Variants in CEP350 observed in about 807,000 individuals in gnomAD.
The protein encoded by CEP350 is centrosomal protein 350.
Under a neutral mutation model 331.8 loss-of-function variants are expected in CEP350, and 126 were observed. That is an observed-to-expected ratio of 0.38 (90% CI 0.33 to 0.44). The LOEUF (loss-of-function observed/expected upper bound fraction) is 0.44. Ranked by LOEUF, CEP350 falls within the 20% of genes least tolerant of loss-of-function variation. CEP350 has a pLI of 1.00. For synonymous variants in CEP350, 1,200 were observed against 1,259.5 expected (o/e 0.95, Z 1.00); for missense variants, 3,406 against 3,634.6 (o/e 0.94, Z 1.62).
At chr1:180,063,778 A>C (rs1464127839) in intron 26 of CEP350, among the ~76,000 whole-genome samples, 3 of 151,044 alleles carry the variant, frequency 2.0e-5, no homozygotes, top group Non-Finnish European at 4.4e-5. Context: ...ACACCACTGC[A>C]CTCCAGCCTA....
intron 6 of CEP350, among the ~76,000 whole-genome samples, chr1:180,001,002 T>C (rs1454314555): frequency 6.6e-6 from 1 of 152,190 alleles, no homozygotes; most frequent in East Asian, 1.9e-4. Flanking sequence ...GAATAGATTA[T>C]TTACTATTAG....
In CEP350 at chr1:180,112,802, C is replaced by T. The variant is rs1264905244; in HGVS notation, c.*1641C>T. On this transcript the variant is annotated 3_prime_UTR_variant, in exon 38 of 38. Coordinates refer to ENST00000367607, the MANE Select transcript of CEP350 (RefSeq NM_014810.5). The stretch of plus-strand genomic sequence containing the variant: ...CATCTTCCCTCCAAACTTGCCTTTG[C>T]ATCTTAAATATTTCACTATGCACAC... 1 of 152,632 alleles carries T rather than the reference C, an allele frequency of 6.6e-6. No homozygotes were observed. The highest frequency in any genetic ancestry group is 6.5e-5 in the Admixed American group (1 of 15,274). 9.5% of individuals were successfully genotyped at this position (152,632 alleles called of 1,614,324 possible).
At chr1:180,091,158 C>T (rs1275097226) in intron 33 of CEP350, among the ~76,000 whole-genome samples, 5 of 151,562 alleles carry the variant, frequency 3.3e-5, no homozygotes, top group African/African-American at 7.3e-5. Flanking sequence ...GGATCACAGG[C>T]ACATGCCACC....
intron 8 of CEP350, 25 bp downstream of exon 8, chr1:180,006,592 C>CT (rs761839774): frequency 6.0e-4 from 661 of 1,101,740 alleles, no homozygotes; most frequent in Non-Finnish European, 7.5e-4. Context: ...CATGTCCATC[C>CT]TTTTTTTTTG....
At chr1:180,034,154 T>C in intron 16 of CEP350, 72 bp downstream of exon 16, 2 of 1,457,438 alleles carry the variant, frequency 1.4e-6, no homozygotes, top group Non-Finnish European at 9.3e-7. Flanking sequence ...TTCCTTTTCT[T>C]TGTTTGAGTT....
intron 16 of CEP350, among the ~76,000 whole-genome samples, chr1:180,035,206 A>C (rs1215507177): frequency 6.6e-6 from 1 of 152,204 alleles, no homozygotes; most frequent in Non-Finnish European, 1.5e-5. Context: ...AGGAAACTGC[A>C]AAAGAAAAGT....
At chr1:179,991,925 G>C (rs1653127845) in intron 4 of CEP350, 137 bp from the exon 5 acceptor site, 2 of 721,910 alleles carry the variant, frequency 2.8e-6, no homozygotes, top group Non-Finnish European at 2.0e-6. Flanking sequence ...TATCCAACTA[G>C]AGATACTAGA....
At position 180,114,047 on chromosome 1, in the gene CEP350, G is replaced by A. The variant is rs1661571030; in HGVS notation, c.*2886G>A. ...AGCTCAAACGTAGTTAATAAGGAAG[G>A]TAATTTGTTTTTCTTTTACCTAAAA... is the stretch of plus-strand genomic sequence containing the variant. On this transcript the variant is annotated 3_prime_UTR_variant, in exon 38 of 38. Transcript: ENST00000367607. 6.6e-6 allele frequency: 1 copy of A among 152,536 alleles called. No homozygotes were observed. The highest frequency in any genetic ancestry group is 1.5e-5 in the Non-Finnish European group (1 of 68,020). The allele number at this position is 152,536 out of a possible 1,614,324, so 9.4% of individuals were successfully genotyped here.
chr1:180,056,392 T>G (rs2148983016), intron 25 of CEP350, among the ~76,000 whole-genome samples: 1 of 152,082 alleles, frequency 6.6e-6, no homozygotes, highest in African/African-American at 2.4e-5. Context: ...TAGGATTTGC[T>G]GAGCTTCTTG....
At chr1:180,106,856 G>A (rs1192893189) in intron 37 of CEP350, among the ~76,000 whole-genome samples, 3 of 151,658 alleles carry the variant, frequency 2.0e-5, no homozygotes, top group African/African-American at 7.3e-5. Context: ...CAGGAGCTGA[G>A]GAAAACCCCA....
At chr1:180,061,982 A>T (rs924489911) in intron 25 of CEP350, among the ~76,000 whole-genome samples, 8 of 152,264 alleles carry the variant, frequency 5.3e-5, no homozygotes, top group South Asian at 2.1e-4. Flanking sequence ...GGGATATGAA[A>T]TTATCAATCT....
intron 1 of CEP350, among the ~76,000 whole-genome samples, chr1:179,976,458 A>C (rs2148623127): frequency 6.6e-6 from 1 of 152,206 alleles, no homozygotes; most frequent in South Asian, 2.1e-4. Context: ...AAAACAGTAC[A>C]TTTCTTAACA....
chr1:180,037,617 C>T (rs1656453898), intron 17 of CEP350, among the ~76,000 whole-genome samples: 1 of 152,014 alleles, frequency 6.6e-6, no homozygotes, highest in South Asian at 2.1e-4. Flanking sequence ...GTATAAAATA[C>T]ACAGATTTTA....
intron 37 of CEP350, 86 bp from the exon 38 acceptor site, chr1:180,110,911 A>G (rs749266043): frequency 1.2e-5 from 14 of 1,131,766 alleles, no homozygotes; most frequent in East Asian, 9.5e-5. Flanking sequence ...CTGTATTCCT[A>G]TGGATAGGAC....
intron 19 of CEP350, among the ~76,000 whole-genome samples, chr1:180,042,089 TA>T (rs1014631032): frequency 6.6e-6 from 1 of 151,272 alleles, no homozygotes; most frequent in Non-Finnish European, 1.5e-5. Context: ...TTATAAACAA[TA>T]AAATGTACCT....
At chr1:180,015,501 T>TG (rs898960620) in intron 10 of CEP350, among the ~76,000 whole-genome samples, 9 of 152,166 alleles carry the variant, frequency 5.9e-5, no homozygotes, top group Non-Finnish European at 1.2e-4. Flanking sequence ...CCCAAAGTGC[T>TG]GGGATTACAG....
chr1:179,990,462 AT>A, intron 3 of CEP350, 44 bp from the exon 4 acceptor site: 1 of 988,918 alleles, frequency 1.0e-6, no homozygotes, highest in South Asian at 1.7e-5. Flanking sequence ...TAGCTGGATT[AT>A]TTACAGAATT....
At chr1:180,086,178 G>A (rs562075359) in intron 31 of CEP350, among the ~76,000 whole-genome samples, 22 of 152,260 alleles carry the variant, frequency 1.4e-4, no homozygotes, top group African/African-American at 4.6e-4. Flanking sequence ...CTTGCACAAT[G>A]GTTAGAGTAG....
At chr1:180,099,867 C>G (rs1660702279) in intron 37 of CEP350, among the ~76,000 whole-genome samples, 1 of 151,184 alleles carries the variant, frequency 6.6e-6, no homozygotes, top group Non-Finnish European at 1.5e-5. Flanking sequence ...CTCACTGCAG[C>G]CTCTGCCTCC....
Sources: allele counts gnomAD v4.1 joint callset (sites outside exome capture counted in the v4.1 genomes callset), GRCh38; gene constraint gnomAD v4.1.1; transcripts MANE v1.5; gene names NCBI Gene and HGNC (gene_info 2026-07-23, HGNC 2026-07-21).